GALNT13: variants seen among roughly 807,000 people sequenced by gnomAD.
The protein encoded by GALNT13 is UDP-GalNAc:polypeptide N-acetylgalactosaminyltransferase 13.
A neutral mutation model predicts 64.2 loss-of-function variants in GALNT13; 28 were observed. The observed-to-expected ratio is 0.44, with a 90% CI of 0.32 to 0.60. The LOEUF is 0.60. GALNT13 is among the 20% of genes least tolerant of loss of function. The pLI is 0.05. For synonymous variants in GALNT13, 214 were observed against 224.6 expected (o/e 0.95, Z 0.42); for missense variants, 577 against 669.8 (o/e 0.86, Z 1.53).
chr2:153,551,383 A>T, the GALNT13 span, among the ~76,000 whole-genome samples: 1 of 152,028 alleles, frequency 6.6e-6, no homozygotes, highest in Non-Finnish European at 1.5e-5. Flanking sequence ...TTAGACAATC[A>T]CTCTGGTTGC....
At chr2:153,906,051 T>C (rs555582241) in intron 2 of GALNT13, among the ~76,000 whole-genome samples, 1 of 151,930 alleles carries the variant, frequency 6.6e-6, no homozygotes, top group East Asian at 1.9e-4. Context: ...AAATTATAAA[T>C]TGTTTATTTC....
the GALNT13 span, among the ~76,000 whole-genome samples, chr2:153,855,012 C>T: frequency 2.6e-5 from 4 of 151,954 alleles, no homozygotes; most frequent in African/African-American, 9.7e-5. Flanking sequence ...TATAAACAAG[C>T]CTACATGTAT....
At chr2:153,973,440 C>G (rs988839816) in intron 3 of GALNT13, among the ~76,000 whole-genome samples, 5 of 151,902 alleles carry the variant, frequency 3.3e-5, no homozygotes, top group Admixed American at 3.3e-4. Flanking sequence ...TATTTTATAA[C>G]TCAGTTACTA....
the GALNT13 span, among the ~76,000 whole-genome samples, chr2:153,598,377 G>C: frequency 6.6e-6 from 1 of 152,054 alleles, no homozygotes; most frequent in South Asian, 2.1e-4. Flanking sequence ...CTTTTACCCA[G>C]ATCTTTGCAT....
At chr2:154,438,749 T>C in intron 12 of GALNT13, 23 bp downstream of exon 12, 1 of 1,557,494 alleles carries the variant, frequency 6.4e-7, no homozygotes, top group Admixed American at 1.8e-5. Context: ...CTTAATTTAC[T>C]TATTATTTGA....
chr2:153,729,369 C>T, the GALNT13 span, among the ~76,000 whole-genome samples: 5 of 152,052 alleles, frequency 3.3e-5, no homozygotes, highest in African/African-American at 7.2e-5. Context: ...TAATGCTATA[C>T]GTTAACAAAC....
At chr2:154,196,607 A>G (rs1450359475) in intron 4 of GALNT13, among the ~76,000 whole-genome samples, 1 of 152,218 alleles carries the variant, frequency 6.6e-6, no homozygotes, top group African/African-American at 2.4e-5. Context: ...CAACATGATC[A>G]TTAATATGTA....
chr2:154,229,394 A>G (rs1008408450), intron 4 of GALNT13, among the ~76,000 whole-genome samples: 4 of 151,822 alleles, frequency 2.6e-5, no homozygotes, highest in Non-Finnish European at 4.4e-5. Flanking sequence ...ATGGGTGAAA[A>G]GTCTCATTAG....
intron 2 of GALNT13, among the ~76,000 whole-genome samples, chr2:153,929,389 C>T (rs1444675): frequency 0.26 from 39,024 of 151,944 alleles, 5,218 homozygotes; most frequent in Non-Finnish European, 0.28. Flanking sequence ...GGTGGAGGTT[C>T]GTTACATGGG....
intron 3 of GALNT13, among the ~76,000 whole-genome samples, chr2:153,986,692 C>T (rs1339800290): frequency 2.0e-5 from 3 of 151,846 alleles, no homozygotes; most frequent in African/African-American, 7.2e-5. Context: ...AGCAAAACAG[C>T]CTTTGTTTGT....
At chr2:153,384,662 T>A in the GALNT13 span, among the ~76,000 whole-genome samples, 1 of 152,154 alleles carries the variant, frequency 6.6e-6, no homozygotes, top group Non-Finnish European at 1.5e-5. Flanking sequence ...CTTTCAAAAA[T>A]TTAAAAAACA....
chr2:153,211,972 C>T, the GALNT13 span, among the ~76,000 whole-genome samples: 2 of 152,086 alleles, frequency 1.3e-5, no homozygotes, highest in African/African-American at 4.8e-5. Context: ...AAAAATTTTC[C>T]TCACTTATGC....
intron 3 of GALNT13, among the ~76,000 whole-genome samples, chr2:153,956,840 C>T (rs6749676): frequency 0.1 from 15,551 of 152,172 alleles, 1,864 homozygotes; most frequent in East Asian, 0.61. Context: ...CACTTTAAGA[C>T]GTTAAACCAC....
the GALNT13 span, among the ~76,000 whole-genome samples, chr2:153,697,074 C>T: frequency 1.9e-3 from 296 of 152,302 alleles, 2 homozygotes; most frequent in African/African-American, 6.5e-3. Flanking sequence ...AAACCTGCCC[C>T]ATTGCTGCAG....
chr2:154,259,801 C>T (rs1690590650), intron 8 of GALNT13, among the ~76,000 whole-genome samples: 1 of 152,118 alleles, frequency 6.6e-6, no homozygotes, highest in East Asian at 1.9e-4. Flanking sequence ...TAAGCACTAA[C>T]ATAGTGGTTT....
At chr2:153,307,336 A>G in the GALNT13 span, among the ~76,000 whole-genome samples, 1 of 152,156 alleles carries the variant, frequency 6.6e-6, no homozygotes, top group East Asian at 1.9e-4. Context: ...AATTTTTTTG[A>G]AAAAAGCATT....
At position 154,343,804 on chromosome 2, in the gene GALNT13, A is replaced by G. The variant is rs76545103; in HGVS notation, c.1156+42215A>G. Among the ~76,000 whole-genome samples the G allele has an allele frequency of 9.5e-3, 1,448 of 152,180 alleles. 13 individuals are homozygous for G. The highest frequency in any genetic ancestry group is 0.014 in the Admixed American group (218 of 15,252). ...GGATTTTGGTTGAATGAAATGAGGT[A>G]ATAGATTAAGAAAATATTTAAAAAA... On this transcript the variant is annotated intron_variant, in intron 9 of 12. Coordinates refer to ENST00000392825, the MANE Select transcript of GALNT13 (RefSeq NM_052917.4).
At chr2:153,894,142 G>A (rs1687738689) in intron 1 of GALNT13, among the ~76,000 whole-genome samples, 1 of 151,884 alleles carries the variant, frequency 6.6e-6, no homozygotes, top group Admixed American at 6.6e-5. Flanking sequence ...GTGACTGCTT[G>A]GAACAATCAT....
At chr2:153,820,828 A>G in the GALNT13 span, among the ~76,000 whole-genome samples, 1 of 152,186 alleles carries the variant, frequency 6.6e-6, no homozygotes, top group Non-Finnish European at 1.5e-5. Flanking sequence ...ACAACCAGCT[A>G]CAAATATGAC....
Sources: allele counts gnomAD v4.1 joint callset (sites outside exome capture counted in the v4.1 genomes callset), GRCh38; gene constraint gnomAD v4.1.1; transcripts MANE v1.5; gene names NCBI Gene and HGNC (gene_info 2026-07-23, HGNC 2026-07-21).